BBS9: variants seen among roughly 807,000 people sequenced by gnomAD.
BBS9 encodes Bardet-Biedl syndrome 9.
BBS9 carries 89 observed loss-of-function variants against 117.7 expected under a neutral mutation model. That is an observed-to-expected ratio of 0.76 (90% CI 0.64 to 0.90). BBS9 has a LOEUF of 0.90. BBS9 is among the 40% of genes least tolerant of loss of function. The pLI is 0.00. For missense variants in BBS9, 982 were observed against 1,042.2 expected, an observed-to-expected ratio of 0.94 and a Z score of 0.80; for synonymous variants, 379 against 370.9, an observed-to-expected ratio of 1.02 and a Z score of -0.25.
At chr7:33,298,464 C>G (rs1562956526) in intron 9 of BBS9, among the ~76,000 whole-genome samples, 1 of 152,118 alleles carries the variant, frequency 6.6e-6, no homozygotes, top group Non-Finnish European at 1.5e-5. Flanking sequence ...TTAGTTTTGG[C>G]ACATTTACCA....
At chr7:33,436,438 G>C (rs982038979) in intron 19 of BBS9, among the ~76,000 whole-genome samples, 3 of 152,008 alleles carry the variant, frequency 2.0e-5, no homozygotes, top group Non-Finnish European at 2.9e-5. Context: ...CTAACTTCAG[G>C]TGATCATTCC....
At chr7:33,513,147 G>A (rs1340004187) in intron 20 of BBS9, among the ~76,000 whole-genome samples, 2 of 152,102 alleles carry the variant, frequency 1.3e-5, no homozygotes, top group African/African-American at 4.8e-5. Flanking sequence ...CCTTCATTCT[G>A]GGAAATGTGA....
intron 1 of BBS9, among the ~76,000 whole-genome samples, chr7:33,131,396 C>T (rs1789591845): frequency 6.6e-6 from 1 of 152,202 alleles, no homozygotes; most frequent in Non-Finnish European, 1.5e-5. Flanking sequence ...CTGTCCTACT[C>T]CAAATTTTGT....
At chr7:33,160,426 C>T (rs1381951442) in intron 4 of BBS9, among the ~76,000 whole-genome samples, 1 of 152,168 alleles carries the variant, frequency 6.6e-6, no homozygotes, top group Non-Finnish European at 1.5e-5. Context: ...TAAGGTATTC[C>T]ATGTATAAGG....
intron 5 of BBS9, among the ~76,000 whole-genome samples, chr7:33,190,356 CAA>C (rs902284170): frequency 1.3e-5 from 2 of 152,146 alleles, no homozygotes; most frequent in Non-Finnish European, 2.9e-5. Flanking sequence ...ACACACAACT[CAA>C]GAGTTAAATG....
intron 1 of BBS9, among the ~76,000 whole-genome samples, chr7:33,130,624 A>T (rs559530856): frequency 6.6e-6 from 1 of 152,324 alleles, no homozygotes; most frequent in South Asian, 2.1e-4. Context: ...ATGCTGCAGG[A>T]TAAGCTATGG....
intron 19 of BBS9, among the ~76,000 whole-genome samples, chr7:33,487,822 T>G (rs1257895681): frequency 6.6e-6 from 1 of 152,184 alleles, no homozygotes; most frequent in Non-Finnish European, 1.5e-5. Flanking sequence ...AATGTAAGGT[T>G]GAGGCTCATA....
intron 19 of BBS9, among the ~76,000 whole-genome samples, chr7:33,438,010 C>T (rs1031506048): frequency 7.2e-5 from 11 of 152,120 alleles, no homozygotes; most frequent in East Asian, 1.9e-4. Context: ...GGCTCTCTTT[C>T]GTAATTCTAA....
At chr7:33,344,348 C>G (rs564944221) in intron 11 of BBS9, among the ~76,000 whole-genome samples, 2 of 151,838 alleles carry the variant, frequency 1.3e-5, no homozygotes, top group Admixed American at 6.6e-5. Flanking sequence ...GGATTACAGG[C>G]GTGAGCCACC....
chr7:33,348,917 C>T, intron 12 of BBS9, 151 bp from the exon 13 acceptor site: 1 of 591,588 alleles, frequency 1.7e-6, no homozygotes, highest in Non-Finnish European at 3.1e-6. Context: ...ATATTTTAAT[C>T]TATTACTTAC....
At chr7:33,542,604 C>T (rs958228790) in intron 21 of BBS9, among the ~76,000 whole-genome samples, 1 of 152,098 alleles carries the variant, frequency 6.6e-6, no homozygotes, top group African/African-American at 2.4e-5. Context: ...TCCTGAGTTA[C>T]ATCACTTAGA....
At chr7:33,305,107 G>A (rs990079746) in intron 9 of BBS9, among the ~76,000 whole-genome samples, 12 of 146,106 alleles carry the variant, frequency 8.2e-5, no homozygotes, top group Admixed American at 2.1e-4. Flanking sequence ...CCCCCTCTCC[G>A]AGAAACACCC....
chr7:33,183,608 T>C (rs1798389391), intron 5 of BBS9, among the ~76,000 whole-genome samples: 1 of 152,202 alleles, frequency 6.6e-6, no homozygotes, highest in African/African-American at 2.4e-5. Flanking sequence ...CTGGACAGTT[T>C]CCATTGCCCT....
chr7:33,256,510 G>A (rs1797108297), intron 5 of BBS9, among the ~76,000 whole-genome samples: 1 of 151,606 alleles, frequency 6.6e-6, no homozygotes, highest in African/African-American at 2.4e-5. Context: ...AGCCTCTTTT[G>A]GTGATATGTT....
At position 33,313,580 on chromosome 7, in the gene BBS9, TTACTAC is replaced by T. The variant is rs565864494; in HGVS notation, c.1017-22860_1017-22855del. On this transcript the variant is annotated intron_variant, in intron 9 of 22. Coordinates refer to ENST00000242067, the MANE Select transcript of BBS9 (RefSeq NM_198428.3). ...GAGTTCTTGATACACAAACATTTCT[TTACTAC>T]AAAAGGTATTTTGTTCAGTCTCCCT... 1.2e-4 allele frequency among the ~76,000 whole-genome samples: 18 copies of T among 152,320 alleles called. No homozygotes were observed. In the East Asian group the frequency reaches 3.1e-3, roughly 26 times the overall value.
intron 4 of BBS9, among the ~76,000 whole-genome samples, chr7:33,169,650 A>T (rs531645625): frequency 1.1e-4 from 16 of 150,704 alleles, no homozygotes; most frequent in African/African-American, 3.9e-4. Flanking sequence ...CCACTTTTTG[A>T]TGGGGTTGTT....
intron 21 of BBS9, among the ~76,000 whole-genome samples, chr7:33,548,703 G>A (rs186142558): frequency 0.096 from 14,587 of 151,276 alleles, 798 homozygotes; most frequent in African/African-American, 0.15. Flanking sequence ...AAAATACCTA[G>A]GAATCCAACT....
chr7:33,227,417 G>A (rs1320415458), intron 5 of BBS9, among the ~76,000 whole-genome samples: 1 of 152,080 alleles, frequency 6.6e-6, no homozygotes, highest in Non-Finnish European at 1.5e-5. Context: ...AAAGTGCTGA[G>A]ATTACAGGTG....
chr7:33,441,357 G>A (rs558495443), intron 19 of BBS9, among the ~76,000 whole-genome samples: 1 of 152,128 alleles, frequency 6.6e-6, no homozygotes, highest in East Asian at 1.9e-4. Flanking sequence ...TATCCCCAAG[G>A]GCTCAGACAG....
Sources: allele counts gnomAD v4.1 joint callset (sites outside exome capture counted in the v4.1 genomes callset), GRCh38; gene constraint gnomAD v4.1.1; transcripts MANE v1.5; gene names NCBI Gene and HGNC (gene_info 2026-07-23, HGNC 2026-07-21).